The following CASQ2 variants were observed in gnomAD, a reference collection of about 807,000 sequenced individuals.
CASQ2 encodes calsequestrin-2.
In CASQ2, 49 loss-of-function variants were observed where a neutral mutation model predicts 46.5. The observed-to-expected ratio is 1.05, with a 90% CI of 0.84 to 1.34. CASQ2 has a LOEUF of 1.34. CASQ2 is among the 40% of genes most tolerant of loss of function. The probability of loss-of-function intolerance (pLI) is 0.00; values close to 1 mark genes in which losing one functional copy is unlikely to be tolerated. For synonymous variants in CASQ2, 174 were observed against 168.5 expected, an observed-to-expected ratio of 1.03 and a Z score of -0.25; for missense variants, 486 against 481.3, an observed-to-expected ratio of 1.01 and a Z score of -0.09.
intron 10 of CASQ2, among the ~76,000 whole-genome samples, chr1:115,702,213 C>T (rs981119507): frequency 3.3e-5 from 5 of 151,592 alleles, no homozygotes; most frequent in East Asian, 3.9e-4. Flanking sequence ...TGAGCCACCA[C>T]GCCTGGCTTG....
chr1:115,752,743 G>A (rs1557803080), intron 1 of CASQ2, among the ~76,000 whole-genome samples: 1 of 152,312 alleles, frequency 6.6e-6, no homozygotes, highest in East Asian at 1.9e-4. Context: ...TTTGGGGATC[G>A]TCTGAGTAGA....
Position 115,715,586 on chromosome 1 carries a change from A to G in CASQ2, c.838+2254T>C, listed in dbSNP as rs377336417. On this transcript the variant is annotated intron_variant, in intron 8 of 10. Transcript: ENST00000261448. ...TGGGAGTGACTGCTAATGGCTATTT[A>G]TCAAAATGTTCTAGAATTAGATACT... Among the ~76,000 whole-genome samples, 94 of 152,344 alleles carry G rather than the reference A, an allele frequency of 6.2e-4. No individual in the cohort carries two copies. The South Asian group carries it at 0.018, about 30-fold the overall frequency.
At chr1:115,719,010 G>A (rs1438112067) in intron 7 of CASQ2, among the ~76,000 whole-genome samples, 1 of 152,158 alleles carries the variant, frequency 6.6e-6, no homozygotes, top group East Asian at 1.9e-4. Flanking sequence ...ATCATCCTAT[G>A]GAAAAACCTC....
At chr1:115,742,890 G>A (rs1648240476) in intron 2 of CASQ2, among the ~76,000 whole-genome samples, 1 of 151,954 alleles carries the variant, frequency 6.6e-6, no homozygotes, top group African/African-American at 2.4e-5. Flanking sequence ...CCAGGTTCAC[G>A]CCATTCTCCT....
At chr1:115,703,834 C>T (rs538607554) in intron 9 of CASQ2, among the ~76,000 whole-genome samples, 1 of 151,894 alleles carries the variant, frequency 6.6e-6, no homozygotes, top group Admixed American at 6.6e-5. Context: ...ATTGCTTGAG[C>T]CTGGGAGCTT....
intron 2 of CASQ2, among the ~76,000 whole-genome samples, chr1:115,743,197 G>GTTTA (rs61424506): frequency 0.22 from 7,852 of 35,856 alleles, 395 homozygotes; most frequent in East Asian, 0.42. Flanking sequence ...CTTTATTTTT[G>GTTTA]TTTATTTATT....
chr1:115,766,026 C>G (rs1298415278), intron 1 of CASQ2, among the ~76,000 whole-genome samples: 1 of 152,224 alleles, frequency 6.6e-6, no homozygotes, highest in Non-Finnish European at 1.5e-5. Flanking sequence ...TGACAAGTAT[C>G]TCAACAAAGG....
chr1:115,768,345 G>A lies in CASQ2; in HGVS notation c.197C>T (p.Thr66Met), dbSNP rs1557809802. 4.3e-6 allele frequency: 7 copies of A among 1,613,754 alleles called. No individual in the cohort carries two copies. The highest frequency in any genetic ancestry group is 3.4e-6 in the Non-Finnish European group (4 of 1,179,756). ...TTCTTTCAGTTGGAACTGTTTTTGC[G>A]TGACCTTATCTGAAGACACCGGCTC... The part of the protein sequence containing the change: ...YHEPVSSDKV[T>M]QKQFQLKEIV... Residue 66 changes from threonine to methionine, a missense_variant, in exon 1 of 11, where the codon ACG (threonine) becomes ATG (methionine). By Grantham distance (81) the Thr-to-Met change is moderately conservative (BLOSUM62 -1). Coordinates refer to ENST00000261448, the MANE Select transcript of CASQ2 (RefSeq NM_001232.4).
At chr1:115,703,046 T>C in intron 9 of CASQ2, 51 bp from the exon 10 acceptor site, 4 of 1,440,196 alleles carry the variant, frequency 2.8e-6, no homozygotes, top group Non-Finnish European at 3.9e-6. Context: ...GCATTCTCTG[T>C]TAAGGACCCA....
chr1:115,739,917 C>CA (rs553730633), intron 3 of CASQ2, among the ~76,000 whole-genome samples: 18 of 152,318 alleles, frequency 1.2e-4, no homozygotes, highest in South Asian at 1.0e-3. Context: ...TCACCCCTCT[C>CA]AACTTTTTTA....
At chr1:115,749,348 T>G (rs987245789) in intron 1 of CASQ2, among the ~76,000 whole-genome samples, 12 of 152,194 alleles carry the variant, frequency 7.9e-5, no homozygotes, top group Non-Finnish European at 1.5e-4. Context: ...TTATGGATAT[T>G]TATATGTGAT....
Position 115,756,320 on chromosome 1 carries a change from G to A in CASQ2, c.235-11408C>T, listed in dbSNP as rs1239480481. Reference sequence around the variant, plus strand: ...TGTCCAAACAGAAACAGCTTATCTGGATAATTCTGGCCTACCACATCCAGT... The same window carrying A: ...TGTCCAAACAGAAACAGCTTATCTGAATAATTCTGGCCTACCACATCCAGT... On this transcript the variant is annotated intron_variant, in intron 1 of 10. Coordinates refer to ENST00000261448, the MANE Select transcript of CASQ2 (RefSeq NM_001232.4). 2.0e-5 allele frequency among the ~76,000 whole-genome samples: 3 copies of A among 152,312 alleles called. No individual in the cohort carries two copies. The East Asian group carries it at 5.8e-4, about 29-fold the overall frequency.
At position 115,700,261 on chromosome 1, in the gene CASQ2, A is replaced by C. The variant is rs1221354690; in HGVS notation, c.*980T>G. The C allele has an allele frequency of 2.6e-5, 4 of 152,372 alleles. No individual in the cohort carries two copies. The highest frequency in any genetic ancestry group is 6.6e-5 in the Admixed American group (1 of 15,256). 9.4% of individuals were successfully genotyped at this position (152,372 alleles called of 1,614,324 possible). ...TCAGTGCCTCAGGGCATCAGTATGAACTCCAATTATTGTTGCCCTGGCCAA... is the reference window on the plus strand; with the variant it reads ...TCAGTGCCTCAGGGCATCAGTATGACCTCCAATTATTGTTGCCCTGGCCAA... On this transcript the variant is annotated 3_prime_UTR_variant, in exon 11 of 11. Transcript: ENST00000261448.
Position 115,730,942 on chromosome 1 carries a change from C to T in CASQ2, c.606+1959G>A, listed in dbSNP as rs529250482. On this transcript the variant is annotated intron_variant, in intron 5 of 10. Coordinates refer to ENST00000261448, the MANE Select transcript of CASQ2 (RefSeq NM_001232.4). Reference sequence around the variant, plus strand: ...TCCTCTTCTGTCCTAGCACTCCCTGCTGGAAACCACTGAGGCTCTACCAGG... The same window carrying T: ...TCCTCTTCTGTCCTAGCACTCCCTGTTGGAAACCACTGAGGCTCTACCAGG... Among the ~76,000 whole-genome samples, 6 of 152,284 alleles carry T rather than the reference C, an allele frequency of 3.9e-5. No homozygotes were observed. In the East Asian group the frequency reaches 5.8e-4, roughly 15 times the overall value.
chr1:115,704,777 A>T (rs1654308083), intron 9 of CASQ2, among the ~76,000 whole-genome samples: 1 of 152,192 alleles, frequency 6.6e-6, no homozygotes, highest in Non-Finnish European at 1.5e-5. Flanking sequence ...CTCTCCACAA[A>T]GTTCTGAACT....
chr1:115,729,169 C>T (rs1435242425), intron 5 of CASQ2, among the ~76,000 whole-genome samples: 1 of 151,374 alleles, frequency 6.6e-6, no homozygotes, highest in African/African-American at 2.4e-5. Flanking sequence ...CCTGCCTCAG[C>T]CTCCCGAGTA....
chr1:115,715,094 C>T (rs138115894), intron 8 of CASQ2, among the ~76,000 whole-genome samples: 295 of 152,338 alleles, frequency 1.9e-3, no homozygotes, highest in Admixed American at 3.0e-3. Context: ...TGGAGTCTGG[C>T]CAGCAGGCTG....
intron 8 of CASQ2, among the ~76,000 whole-genome samples, chr1:115,713,613 T>G (rs1557788054): frequency 6.6e-6 from 1 of 152,186 alleles, no homozygotes; most frequent in Admixed American, 6.5e-5. Context: ...GTTGCTGCTG[T>G]GTAATCTTAG....
At chr1:115,733,269 C>T (rs1015823157) in intron 4 of CASQ2, among the ~76,000 whole-genome samples, 11 of 152,060 alleles carry the variant, frequency 7.2e-5, no homozygotes, top group African/African-American at 1.7e-4. Context: ...GAGAAAAAGA[C>T]GCGTAAAACT....
Sources: allele counts gnomAD v4.1 joint callset (sites outside exome capture counted in the v4.1 genomes callset), GRCh38; gene constraint gnomAD v4.1.1; transcripts MANE v1.5; gene names NCBI Gene and HGNC (gene_info 2026-07-23, HGNC 2026-07-21).